L3MBTL4: variants seen among roughly 807,000 people sequenced by gnomAD.
The protein encoded by L3MBTL4 is L3MBTL histone methyl-lysine binding protein 4.
In L3MBTL4, 70 loss-of-function variants were observed where a neutral mutation model predicts 84.5. The ratio of observed to expected loss-of-function variants is 0.83; its 90% CI spans 0.68 to 1.01. The LOEUF is 1.01. Ranked by LOEUF, L3MBTL4 falls within the 50% of genes least tolerant of loss-of-function variation. L3MBTL4 has a pLI of 0.00. For synonymous variants in L3MBTL4, 274 were observed against 259.8 expected, an observed-to-expected ratio of 1.05 and a Z score of -0.52; for missense variants, 715 against 754.8, an observed-to-expected ratio of 0.95 and a Z score of 0.62.
At chr18:6,275,131 G>C (rs923601571) in intron 4 of L3MBTL4, among the ~76,000 whole-genome samples, 14 of 152,086 alleles carry the variant, frequency 9.2e-5, no homozygotes, top group African/African-American at 3.1e-4. Context: ...CAGTGTGCAG[G>C]GTACTAAAGC....
At chr18:6,121,506 T>C (rs997407178) in intron 14 of L3MBTL4, among the ~76,000 whole-genome samples, 1 of 152,242 alleles carries the variant, frequency 6.6e-6, no homozygotes, top group African/African-American at 2.4e-5. Context: ...CATGCCCAGC[T>C]TAATATTTTC....
intron 1 of L3MBTL4, among the ~76,000 whole-genome samples, chr18:6,381,261 C>T (rs960840555): frequency 6.6e-6 from 1 of 152,158 alleles, no homozygotes; most frequent in Non-Finnish European, 1.5e-5. Flanking sequence ...ATACAGCACA[C>T]TGATGGGTCT....
At position 6,250,535 on chromosome 18, in the gene L3MBTL4, T is replaced by C. The variant is rs182709970; in HGVS notation, c.220-5947A>G. 2.1e-3 allele frequency among the ~76,000 whole-genome samples: 317 copies of C among 152,132 alleles called. 1 individual carries two copies. The highest frequency in any genetic ancestry group is 2.2e-3 in the Non-Finnish European group (149 of 67,978). ...CGGAAGAGCGCTCAAGTGATATAGC[T>C]GCAAGATTCCAACTGAATGCCCCTC... is the stretch of plus-strand genomic sequence containing the variant. On this transcript the variant is annotated intron_variant, in intron 5 of 18. Coordinates refer to ENST00000317931, the MANE Select transcript of L3MBTL4 (RefSeq NM_001330559.2).
At chr18:6,277,413 G>A (rs434453) in intron 4 of L3MBTL4, among the ~76,000 whole-genome samples, 32,070 of 152,102 alleles carry the variant, frequency 0.21, 3,789 homozygotes, top group African/African-American at 0.32. Flanking sequence ...GTCCTCCTGA[G>A]CTGATTTACC....
At chr18:6,056,458 T>G (rs113399254) in intron 16 of L3MBTL4, among the ~76,000 whole-genome samples, 1 of 152,298 alleles carries the variant, frequency 6.6e-6, no homozygotes, top group African/African-American at 2.4e-5. Flanking sequence ...GAAGTGTTAT[T>G]AGCCTACTTC....
intron 18 of L3MBTL4, 54 bp downstream of exon 18, chr18:5,960,040 A>ATATATATG: frequency 4.1e-6 from 1 of 241,388 alleles, no homozygotes; most frequent in Non-Finnish European, 6.4e-6. Flanking sequence ...ATATATATAC[A>ATATATATG]CACACATATA....
At chr18:6,388,053 A>G (rs895899985) in intron 1 of L3MBTL4, among the ~76,000 whole-genome samples, 1 of 152,192 alleles carries the variant, frequency 6.6e-6, no homozygotes, top group African/African-American at 2.4e-5. Context: ...GCACATTAAA[A>G]TAACAATATG....
At chr18:6,319,300 C>T (rs1024956954) in intron 1 of L3MBTL4, among the ~76,000 whole-genome samples, 8 of 151,712 alleles carry the variant, frequency 5.3e-5, no homozygotes, top group African/African-American at 1.9e-4. Context: ...GAAACAACAA[C>T]AACAACAAAA....
chr18:6,267,401 A>G (rs2048681849), intron 4 of L3MBTL4, among the ~76,000 whole-genome samples: 1 of 152,236 alleles, frequency 6.6e-6, no homozygotes, highest in African/African-American at 2.4e-5. Context: ...CCATTGGCCC[A>G]TTAGAACGCC....
intron 15 of L3MBTL4, chr18:6,082,350 T>G (rs2143311722): frequency 6.6e-6 from 1 of 152,272 alleles, no homozygotes; most frequent in Non-Finnish European, 1.5e-5. Context: ...ATATTTACAT[T>G]CTTGTAGGAG....
intron 10 of L3MBTL4, among the ~76,000 whole-genome samples, chr18:6,228,527 G>C (rs963449405): frequency 2.0e-5 from 3 of 151,994 alleles, no homozygotes; most frequent in African/African-American, 7.3e-5. Flanking sequence ...AATATATTAA[G>C]AACTCTCAAA....
At chr18:6,351,009 T>C (rs1411325872) in intron 1 of L3MBTL4, among the ~76,000 whole-genome samples, 1 of 152,132 alleles carries the variant, frequency 6.6e-6, no homozygotes, top group African/African-American at 2.4e-5. Context: ...CTAGCCAACA[T>C]GGTGAAACCC....
chr18:6,134,545 G>A (rs1030187793), intron 14 of L3MBTL4, among the ~76,000 whole-genome samples: 2 of 152,186 alleles, frequency 1.3e-5, no homozygotes, highest in Non-Finnish European at 2.9e-5. Flanking sequence ...CAGGTACTGG[G>A]TAAATACAGC....
intron 1 of L3MBTL4, among the ~76,000 whole-genome samples, chr18:6,366,344 C>T (rs986559227): frequency 6.6e-6 from 1 of 152,128 alleles, no homozygotes; most frequent in African/African-American, 2.4e-5. Context: ...TACAGACAAA[C>T]GCTCATGTCA....
chr18:5,972,880 AAT>A lies in L3MBTL4; in HGVS notation c.1445-3320_1445-3319del, dbSNP rs2052711006. Reference sequence around the variant, plus strand: ...AATAGTATAGAATAGAATAGAATAGAATAGAACAGAAGAGAATAGAATAGAAT... The same window carrying A: ...AATAGTATAGAATAGAATAGAATAGAAGAACAGAAGAGAATAGAATAGAAT... On this transcript the variant is annotated intron_variant, in intron 16 of 18. Coordinates refer to ENST00000317931, the MANE Select transcript of L3MBTL4 (RefSeq NM_001330559.2). Among the ~76,000 whole-genome samples the A allele has an allele frequency of 8.5e-5, 10 of 117,942 alleles. 1 individual carries two copies. In the South Asian group the frequency reaches 1.8e-3, roughly 21 times the overall value. 77.4% of individuals were successfully genotyped at this position (117,942 alleles called of 152,430 possible).
intron 1 of L3MBTL4, among the ~76,000 whole-genome samples, chr18:6,399,179 C>A (rs1209376996): frequency 1.3e-5 from 2 of 152,188 alleles, no homozygotes; most frequent in African/African-American, 2.4e-5. Flanking sequence ...GTGGCTCAAG[C>A]CTGTAATCCC....
At chr18:6,198,931 T>TTTAGA (rs1252843302) in intron 12 of L3MBTL4, among the ~76,000 whole-genome samples, 1 of 152,196 alleles carries the variant, frequency 6.6e-6, no homozygotes, top group Non-Finnish European at 1.5e-5. Context: ...AATTTAAATA[T>TTTAGA]TTAGATAATT....
intron 4 of L3MBTL4, among the ~76,000 whole-genome samples, chr18:6,294,629 C>T (rs568869633): frequency 1.3e-5 from 2 of 152,318 alleles, no homozygotes; most frequent in South Asian, 4.1e-4. Context: ...TACGTAAGTG[C>T]ACTGCCTACA....
rs567363348 is a variant in L3MBTL4 at position 6,399,567 on chromosome 18, A to T, written c.-91+15234T>A. Among the ~76,000 whole-genome samples, 3 of 152,346 alleles carry T rather than the reference A, an allele frequency of 2.0e-5. No individual in the cohort carries two copies. The East Asian group carries it at 5.8e-4, about 29-fold the overall frequency. ...TTTATTTCCAACTCATTTTAATCTC[A>T]ATTGACTAGATATAATTTAGCAAAG... On this transcript the variant is annotated intron_variant, in intron 1 of 18. Coordinates refer to ENST00000317931, the MANE Select transcript of L3MBTL4 (RefSeq NM_001330559.2).
Sources: allele counts gnomAD v4.1 joint callset (sites outside exome capture counted in the v4.1 genomes callset), GRCh38; gene constraint gnomAD v4.1.1; transcripts MANE v1.5; gene names NCBI Gene and HGNC (gene_info 2026-07-23, HGNC 2026-07-21).